Variants in CELF1 observed in about 807,000 individuals in gnomAD.
CELF1 encodes CUGBP Elav-like family member 1.
In CELF1, 10 loss-of-function variants were observed where a neutral mutation model predicts 61.8. The observed-to-expected ratio is 0.16, with a 90% CI of 0.10 to 0.27. CELF1 has a LOEUF of 0.27. Among genes scored for constraint, CELF1 ranks in the 10% least tolerant of loss-of-function variants. CELF1 has a pLI of 1.00. For missense variants in CELF1, 380 were observed against 639.1 expected, an observed-to-expected ratio of 0.59 and a Z score of 4.37; for synonymous variants, 236 against 225.1, an observed-to-expected ratio of 1.05 and a Z score of -0.43.
At chr11:47,500,446 C>G (rs746790995) in intron 2 of CELF1, among the ~76,000 whole-genome samples, 1 of 152,038 alleles carries the variant, frequency 6.6e-6, no homozygotes, top group Non-Finnish European at 1.5e-5. Flanking sequence ...TACTAGCATA[C>G]TAGGAAATAA....
At chr11:47,507,671 C>G (rs925569207) in intron 1 of CELF1, among the ~76,000 whole-genome samples, 1 of 152,138 alleles carries the variant, frequency 6.6e-6, no homozygotes, top group Admixed American at 6.6e-5. Flanking sequence ...ATAAACTATT[C>G]AAATTCACCA....
In CELF1 at chr11:47,468,233, A is replaced by G. The variant is rs531234987; in HGVS notation, c.*3997T>C. 3 of 152,278 alleles carry G rather than the reference A, an allele frequency of 2.0e-5. No homozygotes were observed. The highest frequency in any genetic ancestry group is 2.0e-4 in the Admixed American group (3 of 15,286). 9.4% of individuals were successfully genotyped at this position (152,278 alleles called of 1,614,324 possible). A position where few individuals can be genotyped will look rare whatever the true frequency, so the allele number is the denominator to read the frequency against. On this transcript the variant is annotated 3_prime_UTR_variant, in exon 15 of 15. Transcript: ENST00000687097. ...ACCACAAAAGAAAAAGAAAAAGAAAAAGGGCTGGCTGGGGCCCAAAGTGCA... is the reference window on the plus strand; with the variant it reads ...ACCACAAAAGAAAAAGAAAAAGAAAGAGGGCTGGCTGGGGCCCAAAGTGCA...
intron 1 of CELF1, among the ~76,000 whole-genome samples, chr11:47,548,019 G>A (rs1395964837): frequency 6.6e-6 from 1 of 152,030 alleles, no homozygotes; most frequent in Non-Finnish European, 1.5e-5. Context: ...GGTTAAAACG[G>A]GCCGGGCACG....
chr11:47,522,780 C>T (rs977537282), intron 1 of CELF1, among the ~76,000 whole-genome samples: 8 of 146,262 alleles, frequency 5.5e-5, no homozygotes, highest in Admixed American at 1.4e-4. Context: ...GAGCTGAGTT[C>T]GTGCCACTGC....
intron 1 of CELF1, among the ~76,000 whole-genome samples, chr11:47,515,828 T>C (rs139337818): frequency 6.6e-6 from 1 of 152,310 alleles, no homozygotes; most frequent in African/African-American, 2.4e-5. Flanking sequence ...CTTTCTTGAG[T>C]CACAGTGCTG....
chr11:47,527,354 G>A (rs537010529), intron 1 of CELF1, among the ~76,000 whole-genome samples: 9 of 152,272 alleles, frequency 5.9e-5, no homozygotes, highest in East Asian at 1.9e-4. Flanking sequence ...TCGTGCCACC[G>A]CACTCCGGCC....
intron 2 of CELF1, among the ~76,000 whole-genome samples, chr11:47,563,583 G>T (rs557983824): frequency 6.6e-6 from 1 of 152,306 alleles, no homozygotes; most frequent in South Asian, 2.1e-4. Flanking sequence ...TAGCTACTGG[G>T]GAGGATGAGG....
Position 47,484,375 on chromosome 11 carries a change from C to G in CELF1, c.526+14G>C. 6.3e-7 allele frequency: 1 copy of G among 1,599,996 alleles called. No homozygotes were observed. Among genetic ancestry groups the G allele is most frequent in the Non-Finnish European group, 8.5e-7 (1 of 1,176,162 alleles). On this transcript the variant is annotated intron_variant, in intron 7 of 14. Transcript: ENST00000687097. ...AAAAAACCAAAAGATTATTTAAAAG[C>G]TAAAACTACCTACCTCGGCTCAGGC...
chr11:47,546,121 A>T (rs1011973335), intron 1 of CELF1, among the ~76,000 whole-genome samples: 1 of 151,514 alleles, frequency 6.6e-6, no homozygotes, highest in Non-Finnish European at 1.5e-5. Context: ...CGTGTTAGCC[A>T]GGATGGTCTC....
At chr11:47,479,685 T>C (rs2081935720) in intron 9 of CELF1, among the ~76,000 whole-genome samples, 1 of 152,262 alleles carries the variant, frequency 6.6e-6, no homozygotes, top group East Asian at 1.9e-4. Flanking sequence ...TTACTTTGTA[T>C]ATTGGCAAAC....
intron 1 of CELF1, among the ~76,000 whole-genome samples, chr11:47,552,013 T>TAA (rs78697230): frequency 7.9e-5 from 10 of 127,172 alleles, no homozygotes; most frequent in East Asian, 2.2e-4. Flanking sequence ...AACTCCGTCT[T>TAA]AAAAAAAAAA....
chr11:47,501,137 T>C (rs1356607657), intron 1 of CELF1, among the ~76,000 whole-genome samples: 1 of 152,246 alleles, frequency 6.6e-6, no homozygotes, highest in African/African-American at 2.4e-5. Flanking sequence ...AGAACTGTAC[T>C]GTAACAGCAG....
chr11:47,543,934 C>G (rs984806237), intron 1 of CELF1, among the ~76,000 whole-genome samples: 5 of 152,330 alleles, frequency 3.3e-5, no homozygotes, highest in Admixed American at 3.3e-4. Context: ...CAAGTGTCCC[C>G]TATTACAAAT....
At chr11:47,558,601 TGTATAAAATATGTGC>T in intron 2 of CELF1, among the ~76,000 whole-genome samples, 4 of 107,360 alleles carry the variant, frequency 3.7e-5, no homozygotes, top group African/African-American at 1.5e-4. Flanking sequence ...ATATTATATA[TGTATAAAATATGTGC>T]AATATAATAT....
intron 1 of CELF1, among the ~76,000 whole-genome samples, chr11:47,544,355 CTAGCA>C (rs1023300355): frequency 6.6e-5 from 10 of 152,166 alleles, no homozygotes; most frequent in Non-Finnish European, 1.2e-4. Flanking sequence ...TGTTCAGTGC[CTAGCA>C]TAAGTTACCT....
At chr11:47,530,308 G>A (rs1213183237) in intron 1 of CELF1, among the ~76,000 whole-genome samples, 1 of 152,086 alleles carries the variant, frequency 6.6e-6, no homozygotes, top group East Asian at 1.9e-4. Flanking sequence ...TAGAAGCAAA[G>A]ACATGAAAGA....
At chr11:47,545,409 C>T (rs761675483) in intron 1 of CELF1, among the ~76,000 whole-genome samples, 17 of 152,064 alleles carry the variant, frequency 1.1e-4, no homozygotes, top group Non-Finnish European at 1.5e-4. Context: ...CTAGCCTGGG[C>T]GACAGAGCGG....
chr11:47,467,674 A>T lies in CELF1; in HGVS notation c.*4556T>A, dbSNP rs1402313897. On this transcript the variant is annotated 3_prime_UTR_variant, in exon 15 of 15. Coordinates refer to ENST00000687097, the MANE Select transcript of CELF1 (RefSeq NM_001376376.1). Reference sequence around the variant, plus strand: ...ATAAGCCTCTTACCCACCTGCTGCCACCTTCTAGGCTCTACCTCTGCTTCT... The same window carrying T: ...ATAAGCCTCTTACCCACCTGCTGCCTCCTTCTAGGCTCTACCTCTGCTTCT... 1 of 152,120 alleles carries T rather than the reference A, an allele frequency of 6.6e-6. No individual in the cohort carries two copies. The highest frequency in any genetic ancestry group is 1.5e-5 in the Non-Finnish European group (1 of 68,092). 9.4% of individuals were successfully genotyped at this position (152,120 alleles called of 1,614,324 possible).
intron 1 of CELF1, chr11:47,564,495 A>T (rs1005178169): frequency 6.6e-6 from 1 of 151,334 alleles, no homozygotes; most frequent in African/African-American, 2.4e-5. Context: ...AAAACAAAAA[A>T]CAAAAACTCC....
Sources: allele counts gnomAD v4.1 joint callset (sites outside exome capture counted in the v4.1 genomes callset), GRCh38; gene constraint gnomAD v4.1.1; transcripts MANE v1.5; gene names NCBI Gene and HGNC (gene_info 2026-07-23, HGNC 2026-07-21).